Variants in BPHL observed in about 807,000 individuals in gnomAD.
The protein encoded by BPHL is serine hydrolase BPHL.
A neutral mutation model predicts 31.2 loss-of-function variants in BPHL; 27 were observed. That is an observed-to-expected ratio of 0.87 (90% CI 0.64 to 1.19). The LOEUF (loss-of-function observed/expected upper bound fraction) is 1.19. Among genes scored for constraint, BPHL ranks in the 50% most tolerant of loss-of-function variants. The pLI is 0.00. For synonymous variants in BPHL, 150 were observed against 146.8 expected, an observed-to-expected ratio of 1.02 and a Z score of -0.16; for missense variants, 356 against 375.7, an observed-to-expected ratio of 0.95 and a Z score of 0.43.
At chr6:3,138,733 C>T (rs959040942) in intron 5 of BPHL, 3 of 152,160 alleles carry the variant, frequency 2.0e-5, no homozygotes, top group Non-Finnish European at 2.9e-5. Context: ...TGCCATGAAA[C>T]GATGTTTGAG....
chr6:3,128,421 T>G (rs1367268447), intron 3 of BPHL, among the ~76,000 whole-genome samples: 1 of 152,156 alleles, frequency 6.6e-6, no homozygotes, highest in Non-Finnish European at 1.5e-5. Context: ...GTAATATTAA[T>G]TCTTTACCTT....
At position 3,118,940 on chromosome 6, in the gene BPHL, G is replaced by A. The variant is rs1320363574; in HGVS notation, c.107+93G>A. 1.5e-5 allele frequency: 16 copies of A among 1,063,790 alleles called. No homozygotes were observed. In the South Asian group the frequency reaches 5.4e-4, roughly 36 times the overall value. The allele number at this position is 1,063,790 out of a possible 1,614,324, so 65.9% of individuals were successfully genotyped here. A position where few individuals can be genotyped will look rare whatever the true frequency, so the allele number is the denominator to read the frequency against. ...CGTGCCGACAGCAGGAGTTCCCGGC[G>A]CGCGGGCACGGGGCGTGGGCGCGGC... On this transcript the variant is annotated intron_variant, in intron 1 of 6. Coordinates refer to ENST00000380379, the MANE Select transcript of BPHL (RefSeq NM_004332.4).
intron 6 of BPHL, among the ~76,000 whole-genome samples, chr6:3,146,154 CTGGTT>C (rs1762345828): frequency 2.5e-5 from 1 of 39,708 alleles, no homozygotes; most frequent in African/African-American, 2.5e-4. Context: ...GGTTGGAGTG[CTGGTT>C]CGGGGTGGAG....
At chr6:3,125,607 T>G (rs1325831706) in intron 2 of BPHL, among the ~76,000 whole-genome samples, 1 of 152,200 alleles carries the variant, frequency 6.6e-6, no homozygotes, top group Non-Finnish European at 1.5e-5. Flanking sequence ...TCTTTTAGAC[T>G]GTTCTTTTTT....
intron 2 of BPHL, among the ~76,000 whole-genome samples, chr6:3,126,401 A>G (rs957506996): frequency 9.8e-5 from 15 of 152,304 alleles, no homozygotes; most frequent in African/African-American, 3.6e-4. Context: ...ATATCTGTGA[A>G]TTAATTTGTA....
At chr6:3,147,158 G>T (rs182900628) in intron 6 of BPHL, among the ~76,000 whole-genome samples, 2 of 152,124 alleles carry the variant, frequency 1.3e-5, no homozygotes, top group African/African-American at 4.8e-5. Context: ...CTACTCAGGA[G>T]GCTGAGGTAG....
intron 4 of BPHL, among the ~76,000 whole-genome samples, chr6:3,134,592 G>A (rs6925871): frequency 0.46 from 68,269 of 148,644 alleles, 19,688 homozygotes; most frequent in Non-Finnish European, 0.66. Flanking sequence ...GTGTGCCACC[G>A]CACCTGGCTA....
chr6:3,124,065 G>C, intron 2 of BPHL: 1 of 186,404 alleles, frequency 5.4e-6, no homozygotes, highest in South Asian at 1.0e-4. Flanking sequence ...GAAGGTAAAG[G>C]AGGAACGTGA....
At chr6:3,134,221 A>ACCCCGC (rs1260982987) in intron 4 of BPHL, among the ~76,000 whole-genome samples, 1 of 150,924 alleles carries the variant, frequency 6.6e-6, no homozygotes, top group African/African-American at 2.4e-5. Context: ...CAACAAAACG[A>ACCCCGC]CCCCGCCGCT....
intron 1 of BPHL, among the ~76,000 whole-genome samples, chr6:3,121,036 G>C (rs565715638): frequency 3.3e-5 from 5 of 152,152 alleles, no homozygotes; most frequent in Non-Finnish European, 5.9e-5. Context: ...TGAGCCTCCT[G>C]CCTTGCAGCG....
chr6:3,132,464 T>G (rs1450239537), intron 4 of BPHL, among the ~76,000 whole-genome samples: 6 of 152,116 alleles, frequency 3.9e-5, no homozygotes, highest in African/African-American at 1.2e-4. Flanking sequence ...ACCTCACACC[T>G]GAGTAGCTTC....
chr6:3,140,455 C>T lies in BPHL; in HGVS notation c.734C>T (p.Pro245Leu), dbSNP rs753381132. The T allele has an allele frequency of 1.9e-6, 3 of 1,614,130 alleles. No individual in the cohort carries two copies. Among genetic ancestry groups the T allele is most frequent in the East Asian group, 2.2e-5 (1 of 44,880 alleles). The part of the protein sequence containing the change: ...PALIVHGEKD[P>L]LVPRFHADFI... ...TTGATTGTGCACGGTGAGAAGGATC[C>T]TCTGGTCCCACGGTTTCATGCCGAC... The change falls in exon 6 of 7, where the codon CCT becomes CTT. Residue 245 changes from proline to leucine, a missense_variant. By Grantham distance (98) the Pro-to-Leu change is moderately conservative. Coordinates refer to ENST00000380379, the MANE Select transcript of BPHL (RefSeq NM_004332.4). The surrounding 1 kb of genome is among the most constrained non-coding windows in gnomAD (Gnocchi z 5.2).
At position 3,149,983 on chromosome 6, in the gene BPHL, A is replaced by AGCCCCTTTT. The variant is rs1762477847; in HGVS notation, c.789-2505_789-2504insGCCCCTTTT. On this transcript the variant is annotated intron_variant, in intron 6 of 6. Coordinates refer to ENST00000380379, the MANE Select transcript of BPHL (RefSeq NM_004332.4). The surrounding 1 kb of genome is among the most constrained non-coding windows in gnomAD (Gnocchi z 4.6). ...AGAAGAAGCAGAATGAAAAAGGAAA[A>AGCCCCTTTT]TATTTAGTTTCTGAATAAAAAGGGG... The AGCCCCTTTT allele has an allele frequency of 6.6e-6, 1 of 152,162 alleles. No homozygotes were observed. The highest frequency in any genetic ancestry group is 2.4e-5 in the African/African-American group (1 of 41,434). The allele number at this position is 152,162 out of a possible 1,614,324, so 9.4% of individuals were successfully genotyped here.
At chr6:3,119,009 G>A (rs2113738878) in intron 1 of BPHL, among the ~76,000 whole-genome samples, 162 bp downstream of exon 1, 2 of 152,114 alleles carry the variant, frequency 1.3e-5, no homozygotes, top group South Asian at 4.1e-4. Flanking sequence ...CCCGATCCTG[G>A]GGGCCAGCCG....
chr6:3,139,003 G>C (rs1034580974), intron 5 of BPHL: 1 of 152,152 alleles, frequency 6.6e-6, no homozygotes, highest in Non-Finnish European at 1.5e-5. Flanking sequence ...TGGATGCTTG[G>C]TATAGTGTAG....
rs13219066 is a variant in BPHL, at chr6:3,149,830, C to T, written c.789-2658C>T. Among the ~76,000 whole-genome samples, 12,800 of 152,040 alleles carry T rather than the reference C, an allele frequency of 0.084. 772 individuals carry two copies. The highest frequency in any genetic ancestry group is 0.17 in the African/African-American group (6,846 of 41,438). On this transcript the variant is annotated intron_variant, in intron 6 of 6. Transcript: ENST00000380379. This position sits in a 1 kb window ranked among gnomAD's most constrained non-coding sequence, Gnocchi z 4.6. ...TTTTGGTAGAGATGGAGTTTCACCA[C>T]ATTGACCAGGCTGGTCTCGAACTCC...
chr6:3,119,271 TTCTC>T, intron 1 of BPHL: 4 of 1,537,450 alleles, frequency 2.6e-6, no homozygotes, highest in Non-Finnish European at 3.5e-6. Context: ...AATCTCTTCT[TTCTC>T]TTATGTCAGA....
chr6:3,124,595 T>C (rs377511821), intron 2 of BPHL, among the ~76,000 whole-genome samples: 1 of 152,302 alleles, frequency 6.6e-6, no homozygotes, highest in African/African-American at 2.4e-5. Flanking sequence ...TCTAGATTAC[T>C]TACCATATCT....
Position 3,133,931 on chromosome 6 carries a change from C to T in BPHL, c.533-3431C>T, listed in dbSNP as rs373323943. Among the ~76,000 whole-genome samples, 37 of 152,260 alleles carry T rather than the reference C, an allele frequency of 2.4e-4. 5 individuals are homozygous for T. Among genetic ancestry groups the T allele is most frequent in the African/African-American group, 8.9e-4 (37 of 41,552 alleles). Reference sequence around the variant, plus strand: ...TTCCAGCAAAATAAATTTACACTTCCACCAGCAATAGATGAGATTCTTAAC... The same window carrying T: ...TTCCAGCAAAATAAATTTACACTTCTACCAGCAATAGATGAGATTCTTAAC... On this transcript the variant is annotated intron_variant, in intron 4 of 6. Transcript: ENST00000380379.
Sources: allele counts gnomAD v4.1 joint callset (sites outside exome capture counted in the v4.1 genomes callset), GRCh38; gene constraint gnomAD v4.1.1; non-coding constraint Gnocchi (gnomAD v3.1); transcripts MANE v1.5; gene names NCBI Gene and HGNC (gene_info 2026-07-23, HGNC 2026-07-21).